Variants in SAMTOR observed in about 807,000 individuals in gnomAD.
SAMTOR encodes the protein S-adenosylmethionine sensor upstream of mTORC1.
the SAMTOR span, among the ~76,000 whole-genome samples, chr7:112,831,862 G>T: frequency 6.6e-6 from 1 of 152,176 alleles, no homozygotes; most frequent in East Asian, 1.9e-4. Flanking sequence ...TGATGCCAAA[G>T]CCCTTGCCTC....
the SAMTOR span, among the ~76,000 whole-genome samples, chr7:112,922,727 C>T: frequency 6.6e-6 from 1 of 151,420 alleles, no homozygotes; most frequent in East Asian, 2.0e-4. Context: ...CGGCAGCCGC[C>T]CTGTCTGAGA....
At chr7:112,895,965 A>G in the SAMTOR span, among the ~76,000 whole-genome samples, 52 of 152,208 alleles carry the variant, frequency 3.4e-4, no homozygotes, top group Admixed American at 1.0e-3. Context: ...AATAAAAAAT[A>G]TGTTTTTTCA....
At chr7:112,937,747 A>G in the SAMTOR span, among the ~76,000 whole-genome samples, 3 of 147,868 alleles carry the variant, frequency 2.0e-5, no homozygotes, top group African/African-American at 7.6e-5. Context: ...TTAAACTGCC[A>G]GGACTTTAAC....
At chr7:112,878,281 T>C in the SAMTOR span, among the ~76,000 whole-genome samples, 2 of 152,188 alleles carry the variant, frequency 1.3e-5, no homozygotes, top group African/African-American at 4.8e-5. Flanking sequence ...TGCAACTGCC[T>C]TGATTTGTGC....
chr7:112,912,434 A>G, the SAMTOR span, among the ~76,000 whole-genome samples: 2 of 152,174 alleles, frequency 1.3e-5, no homozygotes, highest in South Asian at 2.1e-4. Flanking sequence ...CTTACCTCAT[A>G]TAACATATTC....
chr7:112,873,080 T>C, the SAMTOR span, among the ~76,000 whole-genome samples: 4 of 151,700 alleles, frequency 2.6e-5, no homozygotes, highest in African/African-American at 9.7e-5. Flanking sequence ...CATAAACAAA[T>C]GGAAAAACAT....
the SAMTOR span, among the ~76,000 whole-genome samples, chr7:112,848,776 T>C: frequency 6.6e-6 from 1 of 152,162 alleles, no homozygotes; most frequent in African/African-American, 2.4e-5. Flanking sequence ...CAGTCACTTA[T>C]TTCACTATAT....
chr7:112,897,505 A>T, the SAMTOR span, among the ~76,000 whole-genome samples: 4 of 152,190 alleles, frequency 2.6e-5, no homozygotes, highest in Admixed American at 6.5e-5. Context: ...AAAGGGCTAA[A>T]ATTCTAGGTT....
chr7:112,835,202 T>G, the SAMTOR span, among the ~76,000 whole-genome samples: 1 of 152,134 alleles, frequency 6.6e-6, no homozygotes, highest in African/African-American at 2.4e-5. Context: ...TTACTAAATT[T>G]ATCTCGATTG....
At chr7:112,868,937 C>T in the SAMTOR span, among the ~76,000 whole-genome samples, 3 of 152,274 alleles carry the variant, frequency 2.0e-5, no homozygotes, top group Admixed American at 6.5e-5. Flanking sequence ...TGCTGGGTGT[C>T]CCGGGCTGCT....
chr7:112,909,862 T>C, the SAMTOR span, among the ~76,000 whole-genome samples: 2 of 150,708 alleles, frequency 1.3e-5, no homozygotes, highest in East Asian at 1.9e-4. Flanking sequence ...TATTTATATA[T>C]AACACTATAT....
At chr7:112,861,205 C>G in the SAMTOR span, among the ~76,000 whole-genome samples, 1 of 152,050 alleles carries the variant, frequency 6.6e-6, no homozygotes, top group Admixed American at 6.6e-5. Flanking sequence ...TTGCTGGCAA[C>G]CTATACTGCA....
At chr7:112,835,936 T>A in the SAMTOR span, among the ~76,000 whole-genome samples, 4 of 152,104 alleles carry the variant, frequency 2.6e-5, no homozygotes, top group East Asian at 7.7e-4. Context: ...AACTGTGCCG[T>A]GATGAACGTA....
the SAMTOR span, among the ~76,000 whole-genome samples, chr7:112,882,421 T>C: frequency 6.6e-6 from 1 of 152,156 alleles, no homozygotes. Flanking sequence ...CCAGGTGTAG[T>C]AGCTCACGCC....
At chr7:112,911,356 T>C in the SAMTOR span, among the ~76,000 whole-genome samples, 1 of 152,150 alleles carries the variant, frequency 6.6e-6, no homozygotes, top group South Asian at 2.1e-4. Flanking sequence ...CAGAAGTGAA[T>C]TGAAACCACC....
the SAMTOR span, among the ~76,000 whole-genome samples, chr7:112,904,862 TTTTAC>T: frequency 6.6e-6 from 1 of 152,142 alleles, no homozygotes; most frequent in African/African-American, 2.4e-5. Context: ...TAATCATGTT[TTTTAC>T]TTTATCTTTC....
the SAMTOR span, among the ~76,000 whole-genome samples, chr7:112,848,603 T>G: frequency 6.6e-6 from 1 of 152,060 alleles, no homozygotes; most frequent in African/African-American, 2.4e-5. Flanking sequence ...CAGGATCAAA[T>G]GGAGGGGGAT....
At chr7:112,864,012 A>T in the SAMTOR span, among the ~76,000 whole-genome samples, 1 of 152,258 alleles carries the variant, frequency 6.6e-6, no homozygotes, top group African/African-American at 2.4e-5. Flanking sequence ...ATGCCCGTCA[A>T]CAGTAGACTG....
the SAMTOR span, among the ~76,000 whole-genome samples, chr7:112,843,960 C>T: frequency 6.6e-6 from 1 of 152,038 alleles, no homozygotes; most frequent in African/African-American, 2.4e-5. Flanking sequence ...CCTGGGAAGC[C>T]AGGTTGGTTC....
Sources: gnomAD v4.1 joint callset for allele counts (sites outside exome capture counted in the v4.1 genomes callset) on GRCh38, gnomAD v4.1.1 for gene constraint, MANE v1.5 for transcripts, NCBI Gene and HGNC (gene_info 2026-07-23, HGNC 2026-07-21) for gene names.